The following SPATS2 variants were observed in gnomAD, a reference collection of about 807,000 sequenced individuals.
SPATS2 encodes the protein spermatogenesis associated serine rich 2, also known as spermatogenesis-associated serine-rich protein 2.
A neutral mutation model predicts 63.7 loss-of-function variants in SPATS2; 38 were observed. The ratio of observed to expected loss-of-function variants is 0.60; its 90% CI spans 0.46 to 0.78. SPATS2 has a LOEUF of 0.78. Among genes scored for constraint, SPATS2 ranks in the 30% least tolerant of loss-of-function variants. SPATS2 has a pLI of 0.00. For missense variants in SPATS2, 588 were observed against 666.2 expected (o/e 0.88, Z 1.29); for synonymous variants, 207 against 232.9 (o/e 0.89, Z 1.01).
chr12:49,411,931 A>G (rs1944804085), intron 2 of SPATS2, among the ~76,000 whole-genome samples: 1 of 152,100 alleles, frequency 6.6e-6, no homozygotes, highest in Admixed American at 6.6e-5. Flanking sequence ...ATCAAATTCC[A>G]TTTTTTTCTT....
rs576204268 is a variant in SPATS2 at position 49,512,551 on chromosome 12, G to C, written c.840-2004G>C. Among the ~76,000 whole-genome samples the C allele has an allele frequency of 4.6e-5, 7 of 151,650 alleles. No homozygotes were observed. In the South Asian group the frequency reaches 8.3e-4, roughly 18 times the overall value. ...TAAATGAACACTAGTGATTCTCACAGGGAAAAAAAAATGCTATCAGAATGT... is the reference window on the plus strand; with the variant it reads ...TAAATGAACACTAGTGATTCTCACACGGAAAAAAAAATGCTATCAGAATGT... On this transcript the variant is annotated intron_variant, in intron 9 of 13. Coordinates refer to ENST00000552918, the MANE Select transcript of SPATS2 (RefSeq NM_023071.4).
In SPATS2 at chr12:49,524,481, A is replaced by C. The variant is rs143678582; in HGVS notation, c.1112-201A>C. Among the ~76,000 whole-genome samples, 11 of 152,340 alleles carry C rather than the reference A, an allele frequency of 7.2e-5. No individual in the cohort carries two copies. In the East Asian group the frequency reaches 2.1e-3, roughly 29 times the overall value. On this transcript the variant is annotated intron_variant, in intron 12 of 13. Coordinates refer to ENST00000552918, the MANE Select transcript of SPATS2 (RefSeq NM_023071.4). ...TTCTCTTGTCTAAGAATTCCTTTAC[A>C]AAGCAGTGGGGCTTTGGAGGAAGTG...
chr12:49,470,478 A>T (rs991184466), intron 3 of SPATS2, among the ~76,000 whole-genome samples: 1 of 152,236 alleles, frequency 6.6e-6, no homozygotes, highest in Non-Finnish European at 1.5e-5. Context: ...TATTTTCTCT[A>T]AAAGTTAAAT....
intron 2 of SPATS2, among the ~76,000 whole-genome samples, chr12:49,426,656 G>A (rs551865262): frequency 6.6e-6 from 1 of 152,232 alleles, no homozygotes; most frequent in East Asian, 1.9e-4. Context: ...CCATTCTCCT[G>A]CCTCAGCCTC....
In SPATS2 at chr12:49,494,773, C is replaced by G. The variant is rs764009666; in HGVS notation, c.297C>G (p.Ala99=). Residue 99 remains alanine (A), a synonymous_variant, in exon 7 of 14, where the codon GCC becomes GCG. Transcript: ENST00000552918. ...AGAAGAAAAACAAACCGAAACCTGC[C>G]GCAGAACCAAGTAACGGCATCCCAG... ...NKKKKNKPKP[A]AEPSNGIPDS... 6.2e-7 allele frequency: 1 copy of G among 1,600,394 alleles called. No homozygotes were observed. Among genetic ancestry groups the G allele is most frequent in the Admixed American group, 1.7e-5 (1 of 57,464 alleles).
At chr12:49,380,715 A>AAT (rs1555177689) in intron 2 of SPATS2, among the ~76,000 whole-genome samples, 2 of 142,572 alleles carry the variant, frequency 1.4e-5, no homozygotes, top group Non-Finnish European at 3.1e-5. Flanking sequence ...CAAAAAAAAA[A>AAT]TATATATATA....
intron 2 of SPATS2, among the ~76,000 whole-genome samples, chr12:49,445,070 T>G (rs569245257): frequency 6.6e-6 from 1 of 152,232 alleles, no homozygotes; most frequent in South Asian, 2.1e-4. Flanking sequence ...CTTCTTCCTT[T>G]CCAATTGTGA....
At chr12:49,408,956 TG>T (rs1156788231) in intron 2 of SPATS2, among the ~76,000 whole-genome samples, 3 of 152,236 alleles carry the variant, frequency 2.0e-5, no homozygotes, top group African/African-American at 7.2e-5. Context: ...TGGTAGTTGT[TG>T]GTTGCATCCT....
At chr12:49,520,747 C>G (rs929240702) in intron 11 of SPATS2, among the ~76,000 whole-genome samples, 1 of 145,316 alleles carries the variant, frequency 6.9e-6, no homozygotes, top group Non-Finnish European at 1.5e-5. Context: ...TTTTTTGAGT[C>G]TCGCTCTGTC....
intron 3 of SPATS2, among the ~76,000 whole-genome samples, chr12:49,470,307 C>T (rs1045842265): frequency 7.9e-5 from 12 of 152,184 alleles, no homozygotes; most frequent in African/African-American, 1.9e-4. Flanking sequence ...GCTGGAATTA[C>T]AGGCATGAGC....
At chr12:49,435,638 CTTTTTTTTTTTT>C (rs34420984) in intron 2 of SPATS2, among the ~76,000 whole-genome samples, 26,353 of 96,294 alleles carry the variant, frequency 0.27, 3,586 homozygotes, top group African/African-American at 0.46. Flanking sequence ...TGAATGGTTT[CTTTTTTTTTTTT>C]TTTTTTTTTT....
intron 4 of SPATS2, chr12:49,486,497 CAG>C (rs1417353564): frequency 1.9e-5 from 5 of 263,124 alleles, no homozygotes; most frequent in Non-Finnish European, 3.8e-5. Context: ...CCGCATCCAG[CAG>C]AGTCTGTAAT....
At chr12:49,488,606 C>G (rs1439658780) in intron 4 of SPATS2, among the ~76,000 whole-genome samples, 1 of 151,642 alleles carries the variant, frequency 6.6e-6, no homozygotes, top group Admixed American at 6.6e-5. Flanking sequence ...TGCAGTGAGC[C>G]GAGATCACAC....
intron 2 of SPATS2, among the ~76,000 whole-genome samples, chr12:49,404,983 AT>A (rs59746061): frequency 0.038 from 5,484 of 145,620 alleles, 327 homozygotes; most frequent in African/African-American, 0.12. Context: ...AACCATGCTC[AT>A]TTTTTTTTTT....
At position 49,489,527 on chromosome 12, in the gene SPATS2, G is replaced by A. The variant is rs1428614085; in HGVS notation, c.168G>A (p.Gln56=). The A allele has an allele frequency of 6.2e-7, 1 of 1,613,884 alleles. No homozygotes were observed. Among genetic ancestry groups the A allele is most frequent in the Non-Finnish European group, 8.5e-7 (1 of 1,179,890 alleles). ...ACAATGAAATTATCCTGGTTTTGCA[G>A]CACTTTGATAACTGTGTGGACAAAA... ...KSNNEIILVL[Q]HFDNCVDKTV... is the part of the protein sequence containing the mutation. The change falls in exon 5 of 14, where the codon CAG becomes CAA. Residue 56 remains glutamine, a synonymous_variant. Coordinates refer to ENST00000552918, the MANE Select transcript of SPATS2 (RefSeq NM_023071.4).
chr12:49,394,021 C>T (rs961584097), intron 2 of SPATS2, among the ~76,000 whole-genome samples: 2 of 151,778 alleles, frequency 1.3e-5, no homozygotes, highest in Non-Finnish European at 2.9e-5. Context: ...TTTTACTATT[C>T]CAGGACTTTT....
chr12:49,446,095 G>A (rs1176295066), intron 2 of SPATS2, among the ~76,000 whole-genome samples: 1 of 151,572 alleles, frequency 6.6e-6, no homozygotes, highest in South Asian at 2.1e-4. Flanking sequence ...GTAGAGATGG[G>A]GTTTCACCAT....
chr12:49,462,541 G>T (rs143905655), intron 3 of SPATS2: 1 of 674,060 alleles, frequency 1.5e-6, no homozygotes, highest in Non-Finnish European at 2.7e-6. Context: ...AGGGCAAAGG[G>T]CCAGTGTGAC....
At chr12:49,403,526 G>T (rs968253097) in intron 2 of SPATS2, among the ~76,000 whole-genome samples, 1 of 150,522 alleles carries the variant, frequency 6.6e-6, no homozygotes, top group African/African-American at 2.4e-5. Flanking sequence ...TACTCGGGAG[G>T]CTGAGGCATG....
Sources: gnomAD v4.1 joint callset for allele counts (sites outside exome capture counted in the v4.1 genomes callset) on GRCh38, gnomAD v4.1.1 for gene constraint, MANE v1.5 for transcripts, NCBI Gene and HGNC (gene_info 2026-07-23, HGNC 2026-07-21) for gene names.